The following PLAU variants were observed in gnomAD, a reference collection of about 807,000 sequenced individuals.
PLAU encodes the protein urokinase-type plasminogen activator.
In PLAU, 32 loss-of-function variants were observed where a neutral mutation model predicts 48.9. The ratio of observed to expected loss-of-function variants is 0.65; its 90% CI spans 0.49 to 0.88. The LOEUF is 0.88. Ranked by LOEUF, PLAU falls within the 40% of genes least tolerant of loss-of-function variation. PLAU has a pLI of 0.00. For synonymous variants in PLAU, 199 were observed against 205.7 expected (o/e 0.97, Z 0.28); for missense variants, 455 against 545.2 (o/e 0.83, Z 1.65).
chr10:73,912,002 T>C, intron 2 of PLAU, 39 bp from the exon 3 acceptor site: 1 of 1,614,090 alleles, frequency 6.2e-7, no homozygotes, highest in African/African-American at 1.3e-5. Flanking sequence ...CCCTGGAGCA[T>C]GGGACCTTTG....
In PLAU at chr10:73,915,414, C is replaced by A. The variant is rs755059369; in HGVS notation, c.1119+15C>A. On this transcript the variant is annotated intron_variant, in intron 10 of 10. Coordinates refer to ENST00000372764, the MANE Select transcript of PLAU (RefSeq NM_002658.6). ...ATTCCTGCCAGGTGAGTGTTCCAAG[C>A]ATCTCTCTCCACCTCTTCCATATCT... is the stretch of plus-strand genomic sequence containing the variant. 2 of 1,591,392 alleles carry A rather than the reference C, an allele frequency of 1.3e-6. No homozygotes were observed. The highest frequency in any genetic ancestry group is 2.2e-5 in the East Asian group (1 of 44,678).
In PLAU at chr10:73,913,287, C is replaced by T. The variant is rs2096128737; in HGVS notation, c.369-3C>T. ...GACATCCCCTATCTTTCTGTGTTGC[C>T]AGGAACCCAGACAACCGGAGGCGAC... On this transcript the variant is annotated splice_polypyrimidine_tract_variant and splice_region_variant and intron_variant, in intron 5 of 10. Transcript: ENST00000372764. 1.2e-6 allele frequency: 2 copies of T among 1,613,866 alleles called. No individual in the cohort carries two copies. The highest frequency in any genetic ancestry group is 3.3e-5 in the Admixed American group (2 of 59,996).
chr10:73,912,045 G>T lies in PLAU; in HGVS notation c.62G>T (p.Ser21Ile), dbSNP rs1321041282. ...CVLVVSDSKG[S>I]NELHQVPSNC... ...CTCCTCCCGAATCTCTTCCAGGGCA[G>T]CAATGAACTTCATCAAGTTCCATGT... Residue 21 changes from serine (S) to isoleucine (I), a missense_variant, in exon 3 of 11, where the codon AGC becomes ATC. Ser to Ile is a moderately radical substitution (Grantham distance 142). Transcript: ENST00000372764. 2 of 1,611,580 alleles carry T rather than the reference G, an allele frequency of 1.2e-6. No individual in the cohort carries two copies.
Position 73,914,003 on chromosome 10 carries a change from A to G in PLAU, c.704A>G (p.Tyr235Cys), listed in dbSNP as rs758557616. The G allele has an allele frequency of 2.6e-5, 42 of 1,613,798 alleles. No homozygotes were observed. Among genetic ancestry groups the G allele is most frequent in the Non-Finnish European group, 3.6e-5 (42 of 1,179,766 alleles). ...CFIDYPKKED[Y>C]IVYLGRSRLN... ...AGTGATTACCCAAAGAAGGAGGACT[A>G]CATCGTCTACCTGGGTCGCTCAAGG... Residue 235 changes from tyrosine to cysteine, a missense_variant, in exon 8 of 11, where the codon TAC becomes TGC. Coordinates refer to ENST00000372764, the MANE Select transcript of PLAU (RefSeq NM_002658.6).
chr10:73,911,969 C>T, intron 2 of PLAU, 72 bp from the exon 3 acceptor site: 1 of 1,613,992 alleles, frequency 6.2e-7, no homozygotes, highest in Admixed American at 1.7e-5. Flanking sequence ...GGGATTGGGG[C>T]CAGTTTACCC....
At chr10:73,915,426 C>T (rs1183822338) in intron 10 of PLAU, 27 bp downstream of exon 10, 2 of 1,575,330 alleles carry the variant, frequency 1.3e-6, no homozygotes, top group East Asian at 4.5e-5. Context: ...TCTCTCTCCA[C>T]CTCTTCCATA....
chr10:73,913,541 A>G lies in PLAU; in HGVS notation c.463A>G (p.Lys155Glu). Residue 155 changes from lysine to glutamate, a missense_variant and splice_region_variant, in exon 7 of 11, where the codon AAA becomes GAA. Coordinates refer to ENST00000372764, the MANE Select transcript of PLAU (RefSeq NM_002658.6). The stretch of plus-strand genomic sequence containing the variant: ...ACATCCCTCTGTTTGTCCTCCAGGA[A>G]AAAAGCCCTCCTCTCCTCCAGAAGA... ...ECMVHDCADG[K>E]KPSSPPEELK... is the part of the protein sequence containing the mutation. The G allele has an allele frequency of 6.2e-7, 1 of 1,611,138 alleles. No homozygotes were observed. Among genetic ancestry groups the G allele is most frequent in the Non-Finnish European group, 8.5e-7 (1 of 1,177,998 alleles).
intron 5 of PLAU, 52 bp from the exon 6 acceptor site, chr10:73,913,238 A>G (rs2096128592): frequency 6.3e-7 from 1 of 1,595,752 alleles, no homozygotes; most frequent in Middle Eastern, 1.7e-4. Flanking sequence ...GGGAGGAGGC[A>G]GGGAAGGCCC....
intron 1 of PLAU, 85 bp from the exon 2 acceptor site, chr10:73,911,440 G>A (rs1565608042): frequency 1.5e-6 from 2 of 1,333,978 alleles, no homozygotes; most frequent in South Asian, 1.2e-5. Context: ...TGGTCACCGC[G>A]GGCATCTCCC....
rs2096125587 is a variant in PLAU at position 73,912,065 on chromosome 10, C to A, written c.82C>A (p.Pro28Thr). 6.2e-7 allele frequency: 1 copy of A among 1,607,872 alleles called. No individual in the cohort carries two copies. Among genetic ancestry groups the A allele is most frequent in the South Asian group, 1.1e-5 (1 of 90,248 alleles). ...GGGCAGCAATGAACTTCATCAAGTT[C>A]CATGTGAGTATCCACCCCTACAACA... ...SKGSNELHQV[P>T]SNCDCLNGGT... is the part of the protein sequence containing the mutation. The change falls in exon 3 of 11, where the codon CCA becomes ACA. Residue 28 changes from proline to threonine, a missense_variant. Physicochemically the swap from Pro to Thr is conservative, Grantham distance 38. Coordinates refer to ENST00000372764, the MANE Select transcript of PLAU (RefSeq NM_002658.6).
rs1270853051 is a variant in PLAU, at chr10:73,916,375, C to G, written c.1120-14C>G. On this transcript the variant is annotated splice_polypyrimidine_tract_variant and intron_variant, in intron 10 of 10. Coordinates refer to ENST00000372764, the MANE Select transcript of PLAU (RefSeq NM_002658.6). ...CTTCTCTAGGGCTCATCTTTTGTATCTTTGGCGTCACAGGGAGACTCAGGG... is the reference window on the plus strand; with the variant it reads ...CTTCTCTAGGGCTCATCTTTTGTATGTTTGGCGTCACAGGGAGACTCAGGG... 3 of 1,609,708 alleles carry G rather than the reference C, an allele frequency of 1.9e-6. No individual in the cohort carries two copies. Among genetic ancestry groups the G allele is most frequent in the African/African-American group, 1.3e-5 (1 of 74,882 alleles).
intron 1 of PLAU, 85 bp downstream of exon 1, chr10:73,911,303 C>G: frequency 1.7e-6 from 1 of 588,956 alleles, no homozygotes. Context: ...CCTGGGCTGC[C>G]CGGGCTCCCT....
chr10:73,911,504 T>C, intron 1 of PLAU, 21 bp from the exon 2 acceptor site: 1 of 1,597,358 alleles, frequency 6.3e-7, no homozygotes, highest in African/African-American at 1.3e-5. Context: ...CCTCTTGCCC[T>C]GACTTCTCCT....
intron 9 of PLAU, 103 bp downstream of exon 9, chr10:73,915,019 C>A: frequency 1.5e-6 from 2 of 1,326,270 alleles, no homozygotes; most frequent in Non-Finnish European, 2.1e-6. Flanking sequence ...GAGGTGGGAG[C>A]ACTGAGGCGG....
At chr10:73,910,431 A>G (rs576808058), upstream of PLAU, 7 of 152,298 alleles carry the variant, frequency 4.6e-5, no homozygotes, top group African/African-American at 1.7e-4. Flanking sequence ...ACCTAACCCA[A>G]TCCTTATCAA....
chr10:73,911,766 C>T, intron 2 of PLAU, 154 bp downstream of exon 2: 1 of 1,552,140 alleles, frequency 6.4e-7, no homozygotes. Flanking sequence ...GCAGCGGAGG[C>T]TTGAGAACCA....
In PLAU at chr10:73,911,581, T is replaced by G. The variant is rs1458009938; in HGVS notation, c.26T>G (p.Leu9Arg). 1 of 1,613,572 alleles carries G rather than the reference T, an allele frequency of 6.2e-7. No homozygotes were observed. Among genetic ancestry groups the G allele is most frequent in the Non-Finnish European group, 8.5e-7 (1 of 1,180,012 alleles). Residue 9 changes from leucine to arginine, a missense_variant, in exon 2 of 11, where the codon CTT becomes CGT. Physicochemically the swap from Leu to Arg is moderately radical, Grantham distance 102. Transcript: ENST00000372764. ...ATGAGAGCCCTGCTGGCGCGCCTGC[T>G]TCTCTGCGTCCTGGTCGTGAGCGAC... Reference protein sequence around the residue: MRALLARLLLCVLVVSDSK... With the variant: MRALLARLRLCVLVVSDSK...
chr10:73,914,857 A>G lies in PLAU; in HGVS notation c.911A>G (p.Tyr304Cys). 1 of 1,614,218 alleles carries G rather than the reference A, an allele frequency of 6.2e-7. No homozygotes were observed. Among genetic ancestry groups the G allele is most frequent in the Non-Finnish European group, 8.5e-7 (1 of 1,180,016 alleles). The change falls in exon 9 of 11, where the codon TAT (tyrosine) becomes TGT (cysteine). Residue 304 changes from tyrosine (Y) to cysteine (C), a missense_variant. By Grantham distance (194) the Tyr-to-Cys change is radical. Coordinates refer to ENST00000372764, the MANE Select transcript of PLAU (RefSeq NM_002658.6). ...CAGACCATCTGCCTGCCCTCGATGT[A>G]TAACGATCCCCAGTTTGGCACAAGC... The part of the protein sequence containing the change: ...TIQTICLPSM[Y>C]NDPQFGTSCE...
chr10:73,914,409 T>A (rs75478288), intron 8 of PLAU, among the ~76,000 whole-genome samples: 35 of 152,312 alleles, frequency 2.3e-4, no homozygotes, highest in African/African-American at 8.4e-4. Context: ...AGGCCCTGTT[T>A]ATATGAATTA....
Sources: gnomAD v4.1 joint callset for allele counts (sites outside exome capture counted in the v4.1 genomes callset) on GRCh38, gnomAD v4.1.1 for gene constraint, MANE v1.5 for transcripts, NCBI Gene and HGNC (gene_info 2026-07-23, HGNC 2026-07-21) for gene names.